Variants in ASPRV1 observed in about 807,000 individuals in gnomAD.
ASPRV1 encodes the protein aspartic peptidase retroviral like 1.
A neutral mutation model predicts 11.0 loss-of-function variants in ASPRV1; 7 were observed. The observed-to-expected ratio is 0.64, with a 90% confidence interval of 0.36 to 1.20. The LOEUF is 1.20. ASPRV1 is among the 50% of genes most tolerant of loss of function. The pLI is 0.02. For synonymous variants in ASPRV1, 136 were observed against 138.4 expected (o/e 0.98, Z 0.12); for missense variants, 299 against 320.0 (o/e 0.93, Z 0.50).
the ASPRV1 span, among the ~76,000 whole-genome samples, chr2:70,009,909 C>T: frequency 6.6e-6 from 1 of 152,162 alleles, no homozygotes; most frequent in East Asian, 1.9e-4. Flanking sequence ...CCCCACGGCT[C>T]TATAAGGCAA....
the ASPRV1 span, among the ~76,000 whole-genome samples, chr2:70,040,088 T>C: frequency 6.6e-6 from 1 of 152,226 alleles, no homozygotes; most frequent in Non-Finnish European, 1.5e-5. Flanking sequence ...GTTTGGCTAT[T>C]ATGAGTAAGA....
chr2:69,976,595 T>G, the ASPRV1 span: 1 of 152,198 alleles, frequency 6.6e-6, no homozygotes, highest in East Asian at 1.9e-4. Flanking sequence ...CTTTCCAGAT[T>G]TGACTGAATG....
chr2:70,013,859 CAA>C, the ASPRV1 span, among the ~76,000 whole-genome samples: 2 of 152,198 alleles, frequency 1.3e-5, no homozygotes, highest in African/African-American at 4.8e-5. Flanking sequence ...CCAGCCTGGG[CAA>C]AAGAGTGAAA....
the ASPRV1 span, chr2:70,045,361 T>C: frequency 6.6e-6 from 1 of 152,230 alleles, no homozygotes; most frequent in African/African-American, 2.4e-5. Flanking sequence ...CTTTATTGGT[T>C]TGTATTACAA....
chr2:69,941,367 CT>C, the ASPRV1 span: 1 of 152,206 alleles, frequency 6.6e-6, no homozygotes, highest in Non-Finnish European at 1.5e-5. Flanking sequence ...AAGCAGAGAT[CT>C]TGAATTCTTC....
chr2:70,065,657 C>CA, the ASPRV1 span, among the ~76,000 whole-genome samples: 4 of 150,780 alleles, frequency 2.7e-5, no homozygotes, highest in African/African-American at 9.7e-5. Context: ...CTCGTTTCTA[C>CA]AAAAAATTTT....
upstream of ASPRV1, chr2:69,961,854 A>G (rs1346772804): frequency 4.3e-6 from 3 of 692,470 alleles, no homozygotes; most frequent in South Asian, 2.2e-5. Flanking sequence ...ACTACCCTGT[A>G]CCCTCCCTGG....
chr2:69,961,534 C>T lies in ASPRV1; in HGVS notation c.-98G>A, dbSNP rs151323610. The T allele has an allele frequency of 2.5e-4, 398 of 1,614,132 alleles. 2 individuals are homozygous for T. The Admixed American group carries it at 4.8e-3, about 20-fold the overall frequency. ...AATCACGCTGGAAAACGGGGCCTCT[C>T]GAAGCAGAGTGGGGATGACTTGCCC... On this transcript the variant is annotated 5_prime_UTR_variant, in exon 1 of 1. Coordinates refer to ENST00000320256, the MANE Select transcript of ASPRV1 (RefSeq NM_152792.4).
chr2:69,934,366 A>G, the ASPRV1 span, among the ~76,000 whole-genome samples: 1 of 152,194 alleles, frequency 6.6e-6, no homozygotes. Context: ...ATAAAGCACA[A>G]ACCATTTCAA....
chr2:69,992,918 G>A, the ASPRV1 span, among the ~76,000 whole-genome samples: 1 of 152,148 alleles, frequency 6.6e-6, no homozygotes, highest in Non-Finnish European at 1.5e-5. Flanking sequence ...CAGAGCCCTG[G>A]GCCCCACTGC....
At chr2:70,056,276 G>C in the ASPRV1 span, 1 of 152,168 alleles carries the variant, frequency 6.6e-6, no homozygotes, top group South Asian at 2.1e-4. Context: ...TGCACAAAAT[G>C]TGAATATACC....
rs1382948137 is a variant in ASPRV1, at chr2:69,961,273, T to G, written c.164A>C (p.Lys55Thr). 4 of 1,614,112 alleles carry G rather than the reference T, an allele frequency of 2.5e-6. No individual in the cohort carries two copies. Among genetic ancestry groups the G allele is most frequent in the Non-Finnish European group, 3.4e-6 (4 of 1,179,988 alleles). Residue 55 changes from lysine to threonine, a missense_variant, in exon 1 of 1, where the codon AAA (lysine) becomes ACA (threonine). Coordinates refer to ENST00000320256, the MANE Select transcript of ASPRV1 (RefSeq NM_152792.4). ...CAGGGCCTCTCCTCTGAGGGACTCT[T>G]TCAGGAACCTTAGCTTGGTGATATG... ...WDHITKLRFLKESLRGEALGV... is the reference protein window; with the variant it reads ...WDHITKLRFLTESLRGEALGV...
the ASPRV1 span, among the ~76,000 whole-genome samples, chr2:70,014,808 A>G: frequency 1.4e-5 from 2 of 145,300 alleles, no homozygotes; most frequent in Non-Finnish European, 2.9e-5. Context: ...AAAAAAAAAA[A>G]AAAAAAAAAA....
chr2:70,047,408 T>A, the ASPRV1 span, among the ~76,000 whole-genome samples: 1 of 152,200 alleles, frequency 6.6e-6, no homozygotes, highest in Non-Finnish European at 1.5e-5. Flanking sequence ...GTTGAATTCA[T>A]CAATGTAAGT....
downstream of ASPRV1, among the ~76,000 whole-genome samples, chr2:69,957,879 C>T (rs558040630): frequency 1.3e-5 from 2 of 152,284 alleles, no homozygotes; most frequent in East Asian, 3.9e-4. Flanking sequence ...CTGCATCCTC[C>T]TTTCCATCAT....
At chr2:69,945,474 G>T in the ASPRV1 span, among the ~76,000 whole-genome samples, 37 of 152,366 alleles carry the variant, frequency 2.4e-4, no homozygotes, top group Middle Eastern at 6.8e-3. Context: ...TGGAGTCATT[G>T]CCTCTGCGAG....
At chr2:69,933,733 T>A in the ASPRV1 span, among the ~76,000 whole-genome samples, 1 of 152,232 alleles carries the variant, frequency 6.6e-6, no homozygotes. Context: ...ACTTCTTACA[T>A]TAATATCATG....
chr2:69,935,586 C>A, the ASPRV1 span: 2 of 682,850 alleles, frequency 2.9e-6, no homozygotes, highest in Non-Finnish European at 5.3e-6. Context: ...GGATGAATCA[C>A]AGGTACCTCA....
At chr2:69,954,865 C>A in the ASPRV1 span, among the ~76,000 whole-genome samples, 5 of 152,146 alleles carry the variant, frequency 3.3e-5, no homozygotes, top group Admixed American at 1.3e-4. Context: ...CCCTTCACGT[C>A]CTTCCTAGTG....
Sources: allele counts gnomAD v4.1 joint callset (sites outside exome capture counted in the v4.1 genomes callset), GRCh38; gene constraint gnomAD v4.1.1; transcripts MANE v1.5; gene names NCBI Gene and HGNC (gene_info 2026-07-23, HGNC 2026-07-21).